The following ROR2 variants were observed in gnomAD, a reference collection of about 807,000 sequenced individuals.
ROR2 encodes the protein ROR family WNT receptor 2.
A neutral mutation model predicts 74.9 loss-of-function variants in ROR2; 33 were observed. The observed-to-expected ratio is 0.44, with a 90% confidence interval of 0.33 to 0.59. ROR2 has a LOEUF of 0.59. ROR2 is among the 20% of genes least tolerant of loss of function. ROR2 has a pLI of 0.02. For synonymous variants in ROR2, 586 were observed against 558.7 expected (o/e 1.05, Z -0.69); for missense variants, 1,216 against 1,313.8 (o/e 0.93, Z 1.15).
chr9:91,800,628 G>A lies in ROR2; in HGVS notation c.98-24810C>T, dbSNP rs147143265. ...ATGTTAACACAAAACTGAGGCCATC[G>A]AGGCAGATCAGCTTCCTGATCAAGA... On this transcript the variant is annotated intron_variant, in intron 1 of 8. Transcript: ENST00000375708. 7.2e-5 allele frequency among the ~76,000 whole-genome samples: 11 copies of A among 152,284 alleles called. No homozygotes were observed. The East Asian group carries it at 1.7e-3, about 24-fold the overall frequency.
At chr9:91,817,386 G>T (rs1827977575) in intron 1 of ROR2, among the ~76,000 whole-genome samples, 1 of 152,170 alleles carries the variant, frequency 6.6e-6, no homozygotes, top group Admixed American at 6.5e-5. Context: ...ACCACTGCAG[G>T]TGGCCGTGCA....
intron 1 of ROR2, among the ~76,000 whole-genome samples, chr9:91,848,474 T>C (rs1026512897): frequency 6.6e-6 from 1 of 152,138 alleles, no homozygotes; most frequent in Non-Finnish European, 1.5e-5. Context: ...AAAAATAACA[T>C]TTGGGGCCAG....
intron 1 of ROR2, among the ~76,000 whole-genome samples, chr9:91,832,367 C>CA (rs10677451): frequency 0.26 from 9,883 of 38,172 alleles, 2,015 homozygotes; most frequent in Admixed American, 0.3. Context: ...GTCACAATGG[C>CA]AAAAAAAAAA....
intron 1 of ROR2, among the ~76,000 whole-genome samples, chr9:91,822,606 T>A (rs1215565224): frequency 6.6e-6 from 1 of 152,206 alleles, no homozygotes; most frequent in Non-Finnish European, 1.5e-5. Context: ...TGCCATAAAA[T>A]TCCTGATTCA....
At chr9:91,821,463 G>A (rs1464284318) in intron 1 of ROR2, among the ~76,000 whole-genome samples, 1 of 151,968 alleles carries the variant, frequency 6.6e-6, no homozygotes, top group Non-Finnish European at 1.5e-5. Context: ...TTCCACATTG[G>A]CTGCCTGGTC....
In ROR2 at chr9:91,950,193, C is replaced by T. The variant is rs1832138503; in HGVS notation, c.-230G>A. ...GGTTCCTTGGCGCGGGCTGGGGCGT[C>T]CCGCCGGCCGCCAGGACGAGCGCGG... On this transcript the variant is annotated 5_prime_UTR_variant, in exon 1 of 9. Coordinates refer to ENST00000375708, the MANE Select transcript of ROR2 (RefSeq NM_004560.4). 2 of 284,132 alleles carry T rather than the reference C, an allele frequency of 7.0e-6. No individual in the cohort carries two copies. The highest frequency in any genetic ancestry group is 1.3e-5 in the Non-Finnish European group (2 of 154,598). The allele number at this position is 284,132 out of a possible 1,614,324, so 17.6% of individuals were successfully genotyped here. A position where few individuals can be genotyped will look rare whatever the true frequency, so the allele number is the denominator to read the frequency against.
chr9:91,909,453 C>T (rs1218169869), intron 1 of ROR2, among the ~76,000 whole-genome samples: 2 of 152,024 alleles, frequency 1.3e-5, no homozygotes, highest in African/African-American at 4.8e-5. Context: ...CTCAAGCAAT[C>T]CTCCTGACTC....
At chr9:91,937,306 G>A (rs1462931389) in intron 1 of ROR2, among the ~76,000 whole-genome samples, 2 of 152,092 alleles carry the variant, frequency 1.3e-5, no homozygotes, top group African/African-American at 2.4e-5. Flanking sequence ...TGCTCAAAAT[G>A]GAATGTGGAT....
At chr9:91,740,601 T>A (rs4500141) in intron 4 of ROR2, among the ~76,000 whole-genome samples, 83,116 of 149,844 alleles carry the variant, frequency 0.55, 23,723 homozygotes, top group South Asian at 0.68. Flanking sequence ...CATATATATA[T>A]CCCCAAAAAG....
chr9:91,765,971 C>T (rs1826047296), intron 2 of ROR2, among the ~76,000 whole-genome samples: 2 of 152,200 alleles, frequency 1.3e-5, no homozygotes, highest in Admixed American at 6.5e-5. Flanking sequence ...CTTAGTACAT[C>T]CAATTCCAAG....
At chr9:91,765,105 T>C (rs34276248) in intron 2 of ROR2, among the ~76,000 whole-genome samples, 14,948 of 152,240 alleles carry the variant, frequency 0.098, 833 homozygotes, top group Middle Eastern at 0.15. Context: ...AAAACCTCTA[T>C]CAGTATTTCA....
At chr9:91,786,348 CAATA>C (rs1323608185) in intron 1 of ROR2, among the ~76,000 whole-genome samples, 21 of 90,702 alleles carry the variant, frequency 2.3e-4, no homozygotes, top group South Asian at 3.7e-4. Flanking sequence ...ATCAATCAAT[CAATA>C]AGTAAATAAA....
intron 4 of ROR2, among the ~76,000 whole-genome samples, chr9:91,743,847 AC>A (rs764352660): frequency 5.3e-5 from 8 of 152,222 alleles, no homozygotes; most frequent in Admixed American, 6.5e-5. Context: ...AGGCCTCCAC[AC>A]TTGAAACTTC....
At chr9:91,831,723 G>A (rs897027763) in intron 1 of ROR2, among the ~76,000 whole-genome samples, 3 of 151,072 alleles carry the variant, frequency 2.0e-5, no homozygotes, top group African/African-American at 4.8e-5. Flanking sequence ...GCTGAGGCAG[G>A]AGAATCGCTT....
intron 1 of ROR2, among the ~76,000 whole-genome samples, chr9:91,885,500 C>A (rs959438705): frequency 6.6e-6 from 1 of 152,146 alleles, no homozygotes; most frequent in Non-Finnish European, 1.5e-5. Context: ...GACTGAGCAG[C>A]GTGTGGCTCC....
At chr9:91,726,782 T>C in intron 7 of ROR2, 39 bp from the exon 8 acceptor site, 1 of 1,598,748 alleles carries the variant, frequency 6.3e-7, no homozygotes, top group Non-Finnish European at 8.6e-7. Flanking sequence ...TCAGAAAACA[T>C]CCCTTTTCTA....
chr9:91,859,761 C>A (rs946508723), intron 1 of ROR2, among the ~76,000 whole-genome samples: 2 of 152,134 alleles, frequency 1.3e-5, no homozygotes, highest in African/African-American at 4.8e-5. Context: ...GGAGGCAGAG[C>A]TTGCAGTGAG....
At position 91,798,446 on chromosome 9, in the gene ROR2, GGGCGGGGCTGACACCCTGGGCTCTGTA is replaced by G. The variant is rs1489129302; in HGVS notation, c.98-22655_98-22629del. 7.6e-5 allele frequency among the ~76,000 whole-genome samples: 9 copies of G among 118,076 alleles called. 1 individual carries two copies. Among genetic ancestry groups the G allele is most frequent in the South Asian group, 6.3e-4 (2 of 3,150 alleles). The allele number at this position is 118,076 out of a possible 152,430, so 77.5% of individuals were successfully genotyped here. A position where few individuals can be genotyped will look rare whatever the true frequency, so the allele number is the denominator to read the frequency against. ...GTGGGGCTGACACCCTGGGCTCTGT[GGGCGGGGCTGACACCCTGGGCTCTGTA>G]GGTGGGGAATGACACCCTGGGATCT... On this transcript the variant is annotated intron_variant, in intron 1 of 8. Transcript: ENST00000375708.
chr9:91,780,158 A>G (rs1033549388), intron 1 of ROR2, among the ~76,000 whole-genome samples: 11 of 152,132 alleles, frequency 7.2e-5, no homozygotes, highest in South Asian at 2.1e-4. Flanking sequence ...TTGGGAGGCC[A>G]AGGCGGGTGG....
Sources: allele counts gnomAD v4.1 joint callset (sites outside exome capture counted in the v4.1 genomes callset), GRCh38; gene constraint gnomAD v4.1.1; transcripts MANE v1.5; gene names NCBI Gene and HGNC (gene_info 2026-07-23, HGNC 2026-07-21).